Variants in RFK observed in about 807,000 individuals in gnomAD.
RFK encodes riboflavin kinase.
Under a neutral mutation model 17.6 loss-of-function variants are expected in RFK, and 4 were observed. The ratio of observed to expected loss-of-function variants is 0.23; its 90% confidence interval spans 0.11 to 0.52. RFK has a LOEUF of 0.52. RFK is among the 20% of genes least tolerant of loss of function. The pLI is 0.96. For synonymous variants in RFK, 59 were observed against 63.8 expected, an observed-to-expected ratio of 0.92 and a Z score of 0.36; for missense variants, 189 against 187.7, an observed-to-expected ratio of 1.01 and a Z score of -0.04.
chr9:76,386,142 T>C lies in RFK; in HGVS notation c.*1257A>G, dbSNP rs1365382925. 1 of 152,200 alleles carries C rather than the reference T, an allele frequency of 6.6e-6. No homozygotes were observed. The highest frequency in any genetic ancestry group is 1.5e-5 in the Non-Finnish European group (1 of 68,032). 9.4% of individuals were successfully genotyped at this position (152,200 alleles called of 1,614,324 possible). A position where few individuals can be genotyped will look rare whatever the true frequency, so the allele number is the denominator to read the frequency against. ...GTTGCTACAGTGAACTGTAGCAATG[T>C]ACTGTTTGAGGGGGCCCAAAGCATC... On this transcript the variant is annotated 3_prime_UTR_variant, in exon 4 of 4. Coordinates refer to ENST00000376736, the MANE Select transcript of RFK (RefSeq NM_018339.6).
rs1822862650 is a variant in RFK at position 76,394,297 on chromosome 9, C to T, written c.-126G>A. On this transcript the variant is annotated 5_prime_UTR_variant, in exon 1 of 4. Transcript: ENST00000376736. ...GCGTGAGCTCTGCCTGCCGCGGGGG[C>T]GCACCAGTGGCCGGACGACGCCGAC... is the stretch of plus-strand genomic sequence containing the variant. 3 of 880,462 alleles carry T rather than the reference C, an allele frequency of 3.4e-6. No homozygotes were observed. The highest frequency in any genetic ancestry group is 3.3e-6 in the Non-Finnish European group (2 of 609,240). The allele number at this position is 880,462 out of a possible 1,614,324, so 54.5% of individuals were successfully genotyped here. A position where few individuals can be genotyped will look rare whatever the true frequency, so the allele number is the denominator to read the frequency against.
In RFK at chr9:76,387,420, G is replaced by C; in HGVS notation, c.447C>G (p.Ser149Arg). 1 of 1,608,370 alleles carries C rather than the reference G, an allele frequency of 6.2e-7. No individual in the cohort carries two copies. The highest frequency in any genetic ancestry group is 8.5e-7 in the Non-Finnish European group (1 of 1,177,994). ...TTCATCAGTGGCCATTCATTATTTT[G>C]CTTTTAGAAACCTGGAAGAAATTGT... ...KEDNFFQVSKSKIMNGH is the reference protein window; with the variant it reads ...KEDNFFQVSKRKIMNGH The change falls in exon 4 of 4, where the codon AGC becomes AGG. Residue 149 changes from serine (S) to arginine (R), a missense_variant. Coordinates refer to ENST00000376736, the MANE Select transcript of RFK (RefSeq NM_018339.6).
Position 76,386,851 on chromosome 9 carries a change from T to C in RFK, c.*548A>G, listed in dbSNP as rs575738765. On this transcript the variant is annotated 3_prime_UTR_variant, in exon 4 of 4. Transcript: ENST00000376736. Reference sequence around the variant, plus strand: ...GCAGGTTTATGATAAACTATCAACCTTCTATTTAATGCATTTCCTTTTTTT... The same window carrying C: ...GCAGGTTTATGATAAACTATCAACCCTCTATTTAATGCATTTCCTTTTTTT... 2 of 152,290 alleles carry C rather than the reference T, an allele frequency of 1.3e-5. No individual in the cohort carries two copies. Among genetic ancestry groups the C allele is most frequent in the Admixed American group, 1.3e-4 (2 of 15,294 alleles). The allele number at this position is 152,290 out of a possible 1,614,324, so 9.4% of individuals were successfully genotyped here.
chr9:76,392,824 C>T (rs138869946), intron 1 of RFK, among the ~76,000 whole-genome samples: 1,785 of 152,224 alleles, frequency 0.012, 29 homozygotes, highest in African/African-American at 0.039. Flanking sequence ...TCAGTTGAGC[C>T]CAGCAGATGG....
At chr9:76,391,936 T>TAAAA (rs34498868) in intron 2 of RFK, among the ~76,000 whole-genome samples, 1 of 145,488 alleles carries the variant, frequency 6.9e-6, no homozygotes. Context: ...ACCCCATCTT[T>TAAAA]AAAAAAAAAA....
At position 76,387,159 on chromosome 9, in the gene RFK, T is replaced by C; in HGVS notation, c.*240A>G. ...TACACATGTAATACCTTTCTAGTGG[T>C]ACATTTTAATCAATATATATTTTTT... is the stretch of plus-strand genomic sequence containing the variant. On this transcript the variant is annotated 3_prime_UTR_variant, in exon 4 of 4. Coordinates refer to ENST00000376736, the MANE Select transcript of RFK (RefSeq NM_018339.6). 5.6e-6 allele frequency: 2 copies of C among 357,436 alleles called. No homozygotes were observed. Among genetic ancestry groups the C allele is most frequent in the East Asian group, 9.8e-5 (2 of 20,316 alleles). 22.1% of individuals were successfully genotyped at this position (357,436 alleles called of 1,614,324 possible). A position where few individuals can be genotyped will look rare whatever the true frequency, so the allele number is the denominator to read the frequency against.
chr9:76,393,364 G>A lies in RFK; in HGVS notation c.82+726C>T, dbSNP rs560684072. 7.2e-5 allele frequency among the ~76,000 whole-genome samples: 11 copies of A among 152,154 alleles called. 1 individual carries two copies. Among genetic ancestry groups the A allele is most frequent in the South Asian group, 6.2e-4 (3 of 4,820 alleles). On this transcript the variant is annotated intron_variant, in intron 1 of 3. Transcript: ENST00000376736. ...TGGGATGACAGGCACGCGCCACCAT[G>A]CCCAGCTAATTTTTGTATTTTTAGC...
At chr9:76,388,509 G>A (rs1215858507) in intron 3 of RFK, 45 bp downstream of exon 3, 1 of 1,152,400 alleles carries the variant, frequency 8.7e-7, no homozygotes, top group Non-Finnish European at 1.3e-6. Context: ...AGAGTTACCT[G>A]TGGTAGCAGT....
In RFK at chr9:76,394,377, CTGAGGAGCTGCGTCTCCGCTGGAGGG is replaced by C; in HGVS notation, c.-232_-207del. ...CGACCCAACAAATACCGCCGGGCGC[CTGAGGAGCTGCGTCTCCGCTGGAGGG>C]CAGCGGAGACAGCCGAAGTAAGTGC... On this transcript the variant is annotated 5_prime_UTR_variant, in exon 1 of 4. Coordinates refer to ENST00000376736, the MANE Select transcript of RFK (RefSeq NM_018339.6). The C allele has an allele frequency of 2.0e-6, 1 of 499,234 alleles. No homozygotes were observed. Among genetic ancestry groups the C allele is most frequent in the Non-Finnish European group, 3.5e-6 (1 of 285,670 alleles). The allele number at this position is 499,234 out of a possible 1,614,324, so 30.9% of individuals were successfully genotyped here. A position where few individuals can be genotyped will look rare whatever the true frequency, so the allele number is the denominator to read the frequency against.
chr9:76,392,634 C>A, intron 1 of RFK, 65 bp from the exon 2 acceptor site: 1 of 1,498,316 alleles, frequency 6.7e-7, no homozygotes, highest in Middle Eastern at 1.7e-4. Flanking sequence ...TAGCCGAGTG[C>A]AGTGGCTCAT....
rs769333339 is a variant in RFK, at chr9:76,392,411, T to C, written c.234+7A>G. On this transcript the variant is annotated splice_region_variant and intron_variant, in intron 2 of 3. Transcript: ENST00000376736. ...TTTTCGGTTACAGAGCAAAATATAA[T>C]GCTTACCATAGACTTCTTCGTATTC... is the stretch of plus-strand genomic sequence containing the variant. The C allele has an allele frequency of 6.2e-7, 1 of 1,613,928 alleles. No homozygotes were observed. The highest frequency in any genetic ancestry group is 1.3e-5 in the African/African-American group (1 of 75,050).
chr9:76,389,587 C>T (rs577882312), intron 2 of RFK, among the ~76,000 whole-genome samples: 31 of 152,056 alleles, frequency 2.0e-4, no homozygotes, highest in Middle Eastern at 3.4e-3. Flanking sequence ...TGGTGGAACC[C>T]GGTACTCTAC....
chr9:76,393,837 G>A (rs1822852846), intron 1 of RFK: 7 of 498,288 alleles, frequency 1.4e-5, no homozygotes, highest in African/African-American at 4.0e-5. Context: ...GGAATCCTGC[G>A]ATTCATCTCG....
At chr9:76,391,952 G>C (rs1353855324) in intron 2 of RFK, among the ~76,000 whole-genome samples, 1 of 141,850 alleles carries the variant, frequency 7.0e-6, no homozygotes, top group African/African-American at 2.6e-5. Flanking sequence ...AAAAAAAAAA[G>C]ATGCAATTTC....
Position 76,388,415 on chromosome 9 carries a change from G to A in RFK, c.337+139C>T, listed in dbSNP as rs577833108. The stretch of plus-strand genomic sequence containing the variant: ...CACAGGTGAAAGAAGATAGATTCAC[G>A]TAAAGCACTTAAAACGGTGCCTGGC... On this transcript the variant is annotated intron_variant, in intron 3 of 3. Coordinates refer to ENST00000376736, the MANE Select transcript of RFK (RefSeq NM_018339.6). 2.1e-4 allele frequency: 134 copies of A among 652,698 alleles called. 1 individual carries two copies. Among genetic ancestry groups the A allele is most frequent in the South Asian group, 2.0e-3 (113 of 57,808 alleles). 40.4% of individuals were successfully genotyped at this position (652,698 alleles called of 1,614,324 possible).
intron 1 of RFK, among the ~76,000 whole-genome samples, chr9:76,393,266 G>A (rs1383847530): frequency 1.3e-5 from 2 of 151,362 alleles, no homozygotes; most frequent in African/African-American, 4.9e-5. Flanking sequence ...GAGGGCAGTG[G>A]CACGATCTCG....
chr9:76,386,039 A>G lies in RFK; in HGVS notation c.*1360T>C, dbSNP rs1389971615. 2.0e-5 allele frequency: 3 copies of G among 152,204 alleles called. No individual in the cohort carries two copies. Among genetic ancestry groups the G allele is most frequent in the Non-Finnish European group, 4.4e-5 (3 of 68,034 alleles). 9.4% of individuals were successfully genotyped at this position (152,204 alleles called of 1,614,324 possible). On this transcript the variant is annotated 3_prime_UTR_variant, in exon 4 of 4. Transcript: ENST00000376736. ...CTAATTCATTTATGCAGATTAGGGG[A>G]AAATGATTCATAATAAATTAACTTT...
chr9:76,393,916 C>G, intron 1 of RFK, 174 bp downstream of exon 1: 1 of 622,754 alleles, frequency 1.6e-6, no homozygotes, highest in Non-Finnish European at 2.7e-6. Flanking sequence ...GGGACAAGCT[C>G]CCTCAACCGA....
At position 76,386,343 on chromosome 9, in the gene RFK, C is replaced by G. The variant is rs1431129703; in HGVS notation, c.*1056G>C. On this transcript the variant is annotated 3_prime_UTR_variant, in exon 4 of 4. Transcript: ENST00000376736. Reference sequence around the variant, plus strand: ...TTGCCTTGGAATATAATTTCAAGGCCTTAAATATTAAAAATAATTTTATAA... The same window carrying G: ...TTGCCTTGGAATATAATTTCAAGGCGTTAAATATTAAAAATAATTTTATAA... 6.6e-6 allele frequency: 1 copy of G among 152,082 alleles called. No individual in the cohort carries two copies. 9.4% of individuals were successfully genotyped at this position (152,082 alleles called of 1,614,324 possible).
Sources: gnomAD v4.1 joint callset for allele counts (sites outside exome capture counted in the v4.1 genomes callset) on GRCh38, gnomAD v4.1.1 for gene constraint, MANE v1.5 for transcripts, NCBI Gene and HGNC (gene_info 2026-07-23, HGNC 2026-07-21) for gene names.